Variants in OR2L2 observed in about 807,000 individuals in gnomAD.
OR2L2 encodes the protein olfactory receptor family 2 subfamily L member 2, also known as olfactory receptor 2L2.
For missense variants in OR2L2, 378 were observed against 375.2 expected (o/e 1.01, Z -0.06); for synonymous variants, 156 against 135.4 (o/e 1.15, Z -1.06).
intron 1 of OR2L2, among the ~76,000 whole-genome samples, chr1:248,030,993 G>C (rs571106174): frequency 1.1e-4 from 17 of 152,118 alleles, no homozygotes; most frequent in African/African-American, 3.1e-4. Flanking sequence ...TGATGCCTAG[G>C]TATATACATT....
At chr1:248,036,083 A>G (rs1662752088) in intron 2 of OR2L2, among the ~76,000 whole-genome samples, 1 of 152,180 alleles carries the variant, frequency 6.6e-6, no homozygotes, top group Non-Finnish European at 1.5e-5. Flanking sequence ...GTGATTTTAC[A>G]TGCCATCTGA....
At chr1:248,033,687 C>T (rs1662681067) in intron 1 of OR2L2, among the ~76,000 whole-genome samples, 2 of 151,810 alleles carry the variant, frequency 1.3e-5, no homozygotes, top group South Asian at 4.2e-4. Context: ...AGCAATTCTG[C>T]CTGCCTTAGC....
chr1:248,034,280 T>A (rs1439826643), intron 1 of OR2L2, among the ~76,000 whole-genome samples: 1 of 152,082 alleles, frequency 6.6e-6, no homozygotes, highest in East Asian at 1.9e-4. Flanking sequence ...AATACCACCA[T>A]CATTCTTCAC....
Position 248,039,014 on chromosome 1 carries a change from C to T in OR2L2, c.747C>T (p.Phe249=), listed in dbSNP as rs12134979. The T allele has an allele frequency of 6.2e-7, 1 of 1,614,122 alleles. No individual in the cohort carries two copies. Among genetic ancestry groups the T allele is most frequent in the Non-Finnish European group, 8.5e-7 (1 of 1,180,004 alleles). Residue 249 remains phenylalanine (F), a synonymous_variant, in exon 3 of 3, where the codon TTC becomes TTT. Coordinates refer to ENST00000641771, the MANE Select transcript of OR2L2 (RefSeq NM_001385855.1). ...GCACCCACCTCACTGTAGTGTCCTT[C>T]TACTATGCACCCTTTGCTTATACCT... is the stretch of plus-strand genomic sequence containing the variant. ...TCSTHLTVVS[F]YYAPFAYTYV... is the part of the protein sequence containing the mutation.
Position 248,038,264 on chromosome 1 carries a change from C to T in OR2L2, c.-4C>T. On this transcript the variant is annotated 5_prime_UTR_variant, in exon 3 of 3. Coordinates refer to ENST00000641771, the MANE Select transcript of OR2L2 (RefSeq NM_001385855.1). Reference sequence around the variant, plus strand: ...CCCTTCAGGATGGATTGTAGGAATTCCCCATGGAAAATTACAATCAAACAT... The same window carrying T: ...CCCTTCAGGATGGATTGTAGGAATTTCCCATGGAAAATTACAATCAAACAT... The T allele has an allele frequency of 6.3e-7, 1 of 1,590,332 alleles. No homozygotes were observed. The highest frequency in any genetic ancestry group is 1.3e-5 in the African/African-American group (1 of 74,572).
At chr1:248,037,200 G>A (rs1170803176) in intron 2 of OR2L2, among the ~76,000 whole-genome samples, 1 of 152,088 alleles carries the variant, frequency 6.6e-6, no homozygotes, top group African/African-American at 2.4e-5. Context: ...TTAAGTAGAA[G>A]AACCAAATAA....
chr1:248,038,726 CA>C lies in OR2L2; in HGVS notation c.461del (p.Asn154ThrfsTer31). The C allele has an allele frequency of 2.5e-6, 4 of 1,614,108 alleles. No individual in the cohort carries two copies. Among genetic ancestry groups the C allele is most frequent in the Non-Finnish European group, 3.4e-6 (4 of 1,179,994 alleles). On this transcript the variant is annotated frameshift_variant, in exon 3 of 3. Transcript: ENST00000641771. LOFTEE classifies it low-confidence loss of function (END_TRUNC). The part of the protein sequence containing the change: ...ITGSWMISSI[N>X]SCAHTVYALC... Reference sequence around the variant, plus strand: ...CAGGATCTTGGATGATAAGCTCTATCAACTCTTGTGCTCACACAGTATATGC... The same window carrying C: ...CAGGATCTTGGATGATAAGCTCTATCACTCTTGTGCTCACACAGTATATGC...
At chr1:248,037,990 T>C (rs1052518297) in intron 2 of OR2L2, among the ~76,000 whole-genome samples, 1 of 152,182 alleles carries the variant, frequency 6.6e-6, no homozygotes, top group African/African-American at 2.4e-5. Context: ...GAAAGAAAAA[T>C]ATAGATTGCA....
rs78947284 is a variant in OR2L2 at position 248,039,287 on chromosome 1, A to G, written c.*81A>G. ...CAGCAGTGAAGAAAAACATTATTAC[A>G]TGCCCAGTGTGTCAAACAGAAGTTA... On this transcript the variant is annotated 3_prime_UTR_variant, in exon 3 of 3. Transcript: ENST00000641771. The G allele has an allele frequency of 2.4e-5, 31 of 1,302,784 alleles. 1 individual carries two copies. The Middle Eastern group carries it at 7.7e-4, about 32-fold the overall frequency. 80.7% of individuals were successfully genotyped at this position (1,302,784 alleles called of 1,614,324 possible). A position where few individuals can be genotyped will look rare whatever the true frequency, so the allele number is the denominator to read the frequency against.
chr1:248,037,222 T>G (rs561066497), intron 2 of OR2L2, among the ~76,000 whole-genome samples: 1 of 152,282 alleles, frequency 6.6e-6, no homozygotes, highest in African/African-American at 2.4e-5. Context: ...GATGTCTAAC[T>G]TAGAGAAAGT....
intron 1 of OR2L2, among the ~76,000 whole-genome samples, chr1:248,031,233 G>A (rs1038048663): frequency 6.6e-6 from 1 of 152,098 alleles, no homozygotes; most frequent in African/African-American, 2.4e-5. Context: ...ATTAGGGACA[G>A]GGCTCTATTT....
Position 248,030,702 on chromosome 1 carries a change from C to T in OR2L2, c.-97+467C>T, listed in dbSNP as rs543703516. ...TCTTACTTTGTGATCTAGAGAAGTT[C>T]GCTTACAAACTCTGAATCTCAATTT... On this transcript the variant is annotated intron_variant, in intron 1 of 2. Transcript: ENST00000641771. Among the ~76,000 whole-genome samples the T allele has an allele frequency of 1.2e-4, 18 of 152,034 alleles. No individual in the cohort carries two copies. In the South Asian group the frequency reaches 2.7e-3, roughly 23 times the overall value.
rs994428231 is a variant in OR2L2, at chr1:248,036,700, A to G, written c.-22+1076A>G. On this transcript the variant is annotated intron_variant, in intron 2 of 2. Transcript: ENST00000641771. ...GCAAAGTTGTCCAGTGATGTCTTCT[A>G]TCTGGAGAAGAATACTCGAACCACC... Among the ~76,000 whole-genome samples, 26 of 152,172 alleles carry G rather than the reference A, an allele frequency of 1.7e-4. 1 individual carries two copies. The highest frequency in any genetic ancestry group is 1.6e-3 in the Admixed American group (25 of 15,284).
At chr1:248,038,166 A>G in intron 2 of OR2L2, 81 bp from the exon 3 acceptor site, 1 of 792,336 alleles carries the variant, frequency 1.3e-6, no homozygotes, top group Non-Finnish European at 2.1e-6. Context: ...AGTTTCAGGC[A>G]TCCACTGGGA....
chr1:248,032,157 G>A (rs1306608813), intron 1 of OR2L2, among the ~76,000 whole-genome samples: 1 of 151,956 alleles, frequency 6.6e-6, no homozygotes, highest in Admixed American at 6.6e-5. Flanking sequence ...CTTCTAAATT[G>A]TCCCTCACAA....
rs971101660 is a variant in OR2L2 at position 248,038,266 on chromosome 1, C to T, written c.-2C>T. Reference sequence around the variant, plus strand: ...CTTCAGGATGGATTGTAGGAATTCCCCATGGAAAATTACAATCAAACATCA... The same window carrying T: ...CTTCAGGATGGATTGTAGGAATTCCTCATGGAAAATTACAATCAAACATCA... On this transcript the variant is annotated 5_prime_UTR_variant, in exon 3 of 3. Coordinates refer to ENST00000641771, the MANE Select transcript of OR2L2 (RefSeq NM_001385855.1). The T allele has an allele frequency of 2.5e-6, 4 of 1,593,320 alleles. No homozygotes were observed. The highest frequency in any genetic ancestry group is 2.7e-5 in the African/African-American group (2 of 74,486).
intron 2 of OR2L2, among the ~76,000 whole-genome samples, chr1:248,037,825 A>T (rs1275613830): frequency 6.6e-6 from 1 of 152,200 alleles, no homozygotes; most frequent in Non-Finnish European, 1.5e-5. Flanking sequence ...ACACTTCATA[A>T]ATTTTCAATT....
intron 1 of OR2L2, among the ~76,000 whole-genome samples, chr1:248,034,150 A>G (rs1662693089): frequency 6.6e-6 from 1 of 152,250 alleles, no homozygotes; most frequent in African/African-American, 2.4e-5. Context: ...CTGCTGAAAG[A>G]AATCATAGAC....
At chr1:248,034,422 TA>T (rs201001933) in intron 1 of OR2L2, among the ~76,000 whole-genome samples, 6,693 of 152,142 alleles carry the variant, frequency 0.044, 479 homozygotes, top group African/African-American at 0.15. Context: ...ATTTTGTCCT[TA>T]AAAAAACGTT....
Sources: allele counts gnomAD v4.1 joint callset (sites outside exome capture counted in the v4.1 genomes callset), GRCh38; gene constraint gnomAD v4.1.1; transcripts MANE v1.5; gene names NCBI Gene and HGNC (gene_info 2026-07-23, HGNC 2026-07-21).